Variants in UBXN2A observed in about 807,000 individuals in gnomAD.
UBXN2A encodes UBX domain protein 2A, also known as UBX domain-containing protein 2A.
A neutral mutation model predicts 28.4 loss-of-function variants in UBXN2A; 28 were observed. The observed-to-expected ratio is 0.99, with a 90% CI of 0.73 to 1.35. The LOEUF is 1.35. Ranked by LOEUF, UBXN2A falls within the 40% of genes most tolerant of loss-of-function variation. The pLI, the probability that UBXN2A is intolerant of heterozygous loss-of-function variation, is 0.00. For synonymous variants in UBXN2A, 97 were observed against 103.6 expected (o/e 0.94, Z 0.39); for missense variants, 253 against 297.9 (o/e 0.85, Z 1.11).
At chr2:23,988,480 T>C (rs546029242) in intron 6 of UBXN2A, among the ~76,000 whole-genome samples, 144 of 152,338 alleles carry the variant, frequency 9.5e-4, no homozygotes, top group African/African-American at 3.4e-3. Flanking sequence ...CAATTTGTTT[T>C]GTTTGATGCT....
At chr2:23,960,158 A>T (rs1377113969) in intron 2 of UBXN2A, among the ~76,000 whole-genome samples, 1 of 152,074 alleles carries the variant, frequency 6.6e-6, no homozygotes, top group Non-Finnish European at 1.5e-5. Context: ...CGGGAGGCCG[A>T]GGCAGGAGAA....
intron 1 of UBXN2A, among the ~76,000 whole-genome samples, chr2:23,943,517 T>G (rs1450793324): frequency 6.6e-6 from 1 of 152,202 alleles, no homozygotes; most frequent in East Asian, 1.9e-4. Flanking sequence ...GATAGAGTTT[T>G]GTTCTTGCCA....
upstream of UBXN2A, among the ~76,000 whole-genome samples, chr2:23,936,339 A>T (rs940749949): frequency 2.0e-5 from 3 of 152,192 alleles, no homozygotes; most frequent in Non-Finnish European, 4.4e-5. Context: ...TAAGTGAAAT[A>T]AGCCGGACAA....
intron 6 of UBXN2A, among the ~76,000 whole-genome samples, chr2:23,995,890 T>C (rs1426437462): frequency 5.3e-5 from 8 of 152,056 alleles, no homozygotes. Context: ...ATTGTCTTTT[T>C]ATTTTTTATT....
At chr2:23,936,347 C>CAAA (rs1342200450), upstream of UBXN2A, among the ~76,000 whole-genome samples, 2 of 150,976 alleles carry the variant, frequency 1.3e-5, no homozygotes, top group East Asian at 3.9e-4. Context: ...ATAAGCCGGA[C>CAAA]AAAAAAGAAC....
chr2:23,981,240 A>G (rs971636279), intron 4 of UBXN2A, among the ~76,000 whole-genome samples: 1 of 149,648 alleles, frequency 6.7e-6, no homozygotes. Flanking sequence ...AGGCCAAGGC[A>G]GGAGGATCAT....
At chr2:23,951,413 G>T (rs1307527538) in intron 1 of UBXN2A, among the ~76,000 whole-genome samples, 1 of 109,906 alleles carries the variant, frequency 9.1e-6, no homozygotes, top group Non-Finnish European at 1.8e-5. Flanking sequence ...CAGTAAGATG[G>T]ATATATATAT....
At chr2:23,981,652 G>T (rs569896831) in intron 4 of UBXN2A, among the ~76,000 whole-genome samples, 1 of 152,026 alleles carries the variant, frequency 6.6e-6, no homozygotes, top group South Asian at 2.1e-4. Flanking sequence ...CCAACACTTT[G>T]GGAGGCTGAG....
chr2:23,935,279 G>A (rs1289543445), intron 1 of UBXN2A, among the ~76,000 whole-genome samples: 1 of 152,108 alleles, frequency 6.6e-6, no homozygotes, highest in Non-Finnish European at 1.5e-5. Context: ...ACCCCAAAGT[G>A]AAAAGACAAT....
At chr2:23,968,727 G>T (rs372006528) in intron 2 of UBXN2A, among the ~76,000 whole-genome samples, 1 of 150,774 alleles carries the variant, frequency 6.6e-6, no homozygotes, top group Middle Eastern at 3.5e-3. Flanking sequence ...AGTATAAGAG[G>T]TATAAAAGTA....
intron 1 of UBXN2A, among the ~76,000 whole-genome samples, chr2:23,942,545 G>A (rs918446323): frequency 6.8e-6 from 1 of 146,882 alleles, no homozygotes; most frequent in East Asian, 2.1e-4. Context: ...TCAGCCTCCC[G>A]AGTAGCTGGG....
intron 5 of UBXN2A, among the ~76,000 whole-genome samples, chr2:23,983,757 C>T (rs1348417023): frequency 1.3e-5 from 2 of 151,986 alleles, no homozygotes; most frequent in African/African-American, 4.8e-5. Flanking sequence ...CTCACTGCAA[C>T]TTCTGCCTCC....
In UBXN2A at chr2:23,982,936, G is replaced by A; in HGVS notation, c.328G>A (p.Glu110Lys). Residue 110 changes from glutamate to lysine, a missense_variant, in exon 5 of 7, where the codon GAG becomes AAG. Coordinates refer to ENST00000309033, the MANE Select transcript of UBXN2A (RefSeq NM_181713.4). ...SELQGIFDKE[E>K]VDVKVEDKKN... Reference sequence around the variant, plus strand: ...ATTACAGGGAATTTTTGATAAAGAAGAGGTGGACGTTAAAGTTGAAGACAA... The same window carrying A: ...ATTACAGGGAATTTTTGATAAAGAAAAGGTGGACGTTAAAGTTGAAGACAA... The A allele has an allele frequency of 6.2e-7, 1 of 1,610,742 alleles. No homozygotes were observed. Among genetic ancestry groups the A allele is most frequent in the Non-Finnish European group, 8.5e-7 (1 of 1,178,378 alleles).
chr2:23,973,539 A>G (rs1475482908), intron 3 of UBXN2A, among the ~76,000 whole-genome samples: 1 of 148,410 alleles, frequency 6.7e-6, no homozygotes, highest in African/African-American at 2.5e-5. Flanking sequence ...AGGGTTTCAC[A>G]GTGTTAGCCA....
chr2:23,928,265 A>G (rs1222298351), intron 1 of UBXN2A, among the ~76,000 whole-genome samples: 1 of 152,126 alleles, frequency 6.6e-6, no homozygotes, highest in Admixed American at 6.5e-5. Context: ...TCTGCTGTAA[A>G]GTAGGAATTA....
intron 1 of UBXN2A, among the ~76,000 whole-genome samples, chr2:23,933,113 A>T (rs570427396): frequency 1.2e-4 from 18 of 152,182 alleles, no homozygotes; most frequent in Middle Eastern, 3.4e-3. Flanking sequence ...TCAAAAAAAT[A>T]AAATTAAATT....
chr2:23,948,254 C>CTTT (rs60805838), intron 1 of UBXN2A, among the ~76,000 whole-genome samples: 4 of 129,180 alleles, frequency 3.1e-5, no homozygotes, highest in East Asian at 2.3e-4. Flanking sequence ...TTTTCTTTTT[C>CTTT]TTTTTTTTTT....
upstream of UBXN2A, among the ~76,000 whole-genome samples, chr2:23,939,353 A>G (rs753049714): frequency 6.6e-6 from 1 of 152,150 alleles, no homozygotes; most frequent in Non-Finnish European, 1.5e-5. Flanking sequence ...GGCTACAGCA[A>G]CCGGGAGAAC....
chr2:23,997,288 A>G (rs1293639666), intron 6 of UBXN2A, among the ~76,000 whole-genome samples: 1 of 152,002 alleles, frequency 6.6e-6, no homozygotes, highest in Non-Finnish European at 1.5e-5. Context: ...TGCTTAGTCA[A>G]TTCTATTTCT....
Sources: gnomAD v4.1 joint callset for allele counts (sites outside exome capture counted in the v4.1 genomes callset) on GRCh38, gnomAD v4.1.1 for gene constraint, MANE v1.5 for transcripts, NCBI Gene and HGNC (gene_info 2026-07-23, HGNC 2026-07-21) for gene names.